The following TNIP3 variants were observed in gnomAD, a reference collection of about 807,000 sequenced individuals.
TNIP3 encodes TNFAIP3 interacting protein 3.
A neutral mutation model predicts 54.1 loss-of-function variants in TNIP3; 34 were observed. The ratio of observed to expected loss-of-function variants is 0.63; its 90% CI spans 0.48 to 0.84. TNIP3 has a LOEUF of 0.84. Ranked by LOEUF, TNIP3 falls within the 40% of genes least tolerant of loss-of-function variation. The pLI is 0.00. For missense variants in TNIP3, 366 were observed against 387.6 expected (o/e 0.94, Z 0.47); for synonymous variants, 134 against 136.8 (o/e 0.98, Z 0.14).
intron 2 of TNIP3, among the ~76,000 whole-genome samples, chr4:121,211,369 T>C (rs1180764860): frequency 6.6e-6 from 1 of 152,194 alleles, no homozygotes; most frequent in Non-Finnish European, 1.5e-5. Context: ...TAAACTCATA[T>C]TTGAACAGAG....
intron 7 of TNIP3, among the ~76,000 whole-genome samples, chr4:121,143,695 C>A (rs1443499296): frequency 6.6e-6 from 1 of 152,182 alleles, no homozygotes; most frequent in Non-Finnish European, 1.5e-5. Context: ...CTTGTCACAA[C>A]ATTTGTGTCA....
upstream of TNIP3, among the ~76,000 whole-genome samples, chr4:121,216,799 C>T (rs1017422567): frequency 6.6e-5 from 10 of 152,154 alleles, no homozygotes; most frequent in Admixed American, 6.5e-4. Flanking sequence ...GCTAGACATT[C>T]TAATACATAG....
intron 2 of TNIP3, among the ~76,000 whole-genome samples, chr4:121,215,616 C>T (rs1726743437): frequency 6.6e-6 from 1 of 152,078 alleles, no homozygotes; most frequent in Non-Finnish European, 1.5e-5. Context: ...CCATCTTTCT[C>T]CTGTTTCTCT....
chr4:121,204,399 A>G (rs929434437), intron 2 of TNIP3, among the ~76,000 whole-genome samples: 1 of 152,120 alleles, frequency 6.6e-6, no homozygotes, highest in Non-Finnish European at 1.5e-5. Context: ...GACCAAACCA[A>G]TGTTTGTCTT....
At chr4:121,174,842 C>T (rs967380945) in intron 3 of TNIP3, among the ~76,000 whole-genome samples, 21 of 152,290 alleles carry the variant, frequency 1.4e-4, no homozygotes, top group African/African-American at 4.1e-4. Flanking sequence ...GAGAATGACA[C>T]GAACATTCTT....
chr4:121,192,581 G>T (rs1328912715), intron 2 of TNIP3, among the ~76,000 whole-genome samples: 1 of 152,078 alleles, frequency 6.6e-6, no homozygotes, highest in East Asian at 1.9e-4. Context: ...ATCTGCCGTT[G>T]GAAAAATTGC....
intron 3 of TNIP3, among the ~76,000 whole-genome samples, chr4:121,179,423 A>G (rs960899419): frequency 6.6e-6 from 1 of 152,226 alleles, no homozygotes; most frequent in African/African-American, 2.4e-5. Flanking sequence ...ATTTACCCCA[A>G]CAAGTATTAC....
At chr4:121,163,043 AAAT>A (rs147664616) in intron 1 of TNIP3, among the ~76,000 whole-genome samples, 35,775 of 152,052 alleles carry the variant, frequency 0.24, 4,378 homozygotes, top group Middle Eastern at 0.29. Context: ...TTTCTTTAAT[AAAT>A]AAAAATTACT....
upstream of TNIP3, among the ~76,000 whole-genome samples, chr4:121,218,935 C>T (rs1726919267): frequency 6.6e-6 from 1 of 152,172 alleles, no homozygotes; most frequent in South Asian, 2.1e-4. Flanking sequence ...CATGGTGGCT[C>T]ACGCCTGTAA....
At chr4:121,146,899 A>T in intron 7 of TNIP3, 150 bp downstream of exon 7, 1 of 757,004 alleles carries the variant, frequency 1.3e-6, no homozygotes, top group Non-Finnish European at 1.9e-6. Context: ...TCATCTCTTT[A>T]CAAGATTGTT....
chr4:121,194,069 G>T (rs1304132677), intron 2 of TNIP3, among the ~76,000 whole-genome samples: 1 of 152,080 alleles, frequency 6.6e-6, no homozygotes, highest in Non-Finnish European at 1.5e-5. Flanking sequence ...GGGATAATTG[G>T]CAAAACCTGA....
intron 2 of TNIP3, among the ~76,000 whole-genome samples, chr4:121,190,622 A>G (rs1363762829): frequency 2.0e-5 from 3 of 152,200 alleles, no homozygotes; most frequent in Non-Finnish European, 4.4e-5. Flanking sequence ...GCTATAAGCC[A>G]TAGAATGTCA....
intron 10 of TNIP3, among the ~76,000 whole-genome samples, chr4:121,135,390 CTTT>C (rs1215995217): frequency 2.6e-5 from 4 of 151,216 alleles, no homozygotes; most frequent in Admixed American, 1.3e-4. Flanking sequence ...ACTTCTTCTT[CTTT>C]TTTTTTATTT....
chr4:121,218,760 C>T (rs1295291347), upstream of TNIP3, among the ~76,000 whole-genome samples: 1 of 131,496 alleles, frequency 7.6e-6, no homozygotes, highest in African/African-American at 3.8e-5. Context: ...CAATTCCCCT[C>T]CCTCAGGATC....
rs760648592 is a variant in TNIP3 at position 121,176,511 on chromosome 4, CATT to C, written c.189+6162_189+6164del. On this transcript the variant is annotated intron_variant, in intron 3 of 12. Coordinates refer to the TNIP3 transcript ENST00000507879. ...TTGAGGCTCAAGCTCATCCTACTAGCATTATGATGATGATGATGATGATGATGA... is the reference window on the plus strand; with the variant it reads ...TTGAGGCTCAAGCTCATCCTACTAGCATGATGATGATGATGATGATGATGA... Among the ~76,000 whole-genome samples, 316 of 116,484 alleles carry C rather than the reference CATT, an allele frequency of 2.7e-3. 2 individuals are homozygous for C. The highest frequency in any genetic ancestry group is 9.1e-3 in the African/African-American group (299 of 33,008). 76.4% of individuals were successfully genotyped at this position (116,484 alleles called of 152,430 possible).
chr4:121,210,495 T>A (rs1193396976), intron 2 of TNIP3, among the ~76,000 whole-genome samples: 1 of 152,204 alleles, frequency 6.6e-6, no homozygotes, highest in Non-Finnish European at 1.5e-5. Flanking sequence ...ATAAAATCCT[T>A]ATTAAGTACC....
rs115704363 is a variant in TNIP3 at position 121,200,318 on chromosome 4, G to A, written c.68+16097C>T. 4.6e-3 allele frequency among the ~76,000 whole-genome samples: 694 copies of A among 152,122 alleles called. 6 individuals carry two copies. Among genetic ancestry groups the A allele is most frequent in the African/African-American group, 0.016 (662 of 41,500 alleles). ...TCCCTTTTGCATAATCCACTAAGAA[G>A]AGGAATATTTACAGTCCAAGATTTC... On this transcript the variant is annotated intron_variant, in intron 2 of 12. Transcript: ENST00000507879.
At chr4:121,176,514 T>TATG (rs70948383) in intron 3 of TNIP3, among the ~76,000 whole-genome samples, 29,957 of 147,084 alleles carry the variant, frequency 0.2, 3,100 homozygotes, top group Middle Eastern at 0.26. Context: ...CTACTAGCAT[T>TATG]ATGATGATGA....
intron 1 of TNIP3, among the ~76,000 whole-genome samples, chr4:121,226,134 A>G (rs371037097): frequency 6.8e-6 from 1 of 146,644 alleles, no homozygotes; most frequent in South Asian, 2.3e-4. Flanking sequence ...AGAGACAGAA[A>G]AACAGGCACA....
Sources: gnomAD v4.1 joint callset for allele counts (sites outside exome capture counted in the v4.1 genomes callset) on GRCh38, gnomAD v4.1.1 for gene constraint, MANE v1.5 for transcripts, NCBI Gene and HGNC (gene_info 2026-07-23, HGNC 2026-07-21) for gene names.